Variants in ESRRG observed in about 807,000 individuals in gnomAD.
ESRRG encodes the protein estrogen-related receptor gamma.
A neutral mutation model predicts 44.0 loss-of-function variants in ESRRG; 13 were observed. The observed-to-expected ratio is 0.30, with a 90% CI of 0.19 to 0.47. ESRRG has a LOEUF of 0.47. ESRRG is among the 20% of genes least tolerant of loss of function. The pLI is 1.00. For synonymous variants in ESRRG, 215 were observed against 214.6 expected (o/e 1.00, Z -0.02); for missense variants, 395 against 580.6 (o/e 0.68, Z 3.29).
chr1:216,799,414 T>C (rs543820229), intron 2 of ESRRG, among the ~76,000 whole-genome samples: 5 of 152,098 alleles, frequency 3.3e-5, no homozygotes, highest in African/African-American at 1.2e-4. Flanking sequence ...ATTTAAATGA[T>C]GATTTTGATT....
intron 1 of ESRRG, among the ~76,000 whole-genome samples, chr1:216,986,748 C>T (rs1036192867): frequency 6.6e-6 from 1 of 151,786 alleles, no homozygotes; most frequent in African/African-American, 2.4e-5. Context: ...ATAAAATGAA[C>T]TAAAAGAAGA....
intron 1 of ESRRG, among the ~76,000 whole-genome samples, chr1:216,716,342 G>GT (rs2084874056): frequency 6.6e-6 from 1 of 151,936 alleles, no homozygotes; most frequent in Non-Finnish European, 1.5e-5. Context: ...CAAGCAAGCT[G>GT]TTTTTTCATT....
At chr1:216,680,113 G>T (rs935315892) in intron 1 of ESRRG, among the ~76,000 whole-genome samples, 1 of 152,184 alleles carries the variant, frequency 6.6e-6, no homozygotes, top group African/African-American at 2.4e-5. Flanking sequence ...TAGGTTGTAC[G>T]TGTTTTTGGC....
chr1:216,717,900 T>C (rs761510143), intron 1 of ESRRG, among the ~76,000 whole-genome samples: 3 of 151,848 alleles, frequency 2.0e-5, no homozygotes, highest in Non-Finnish European at 4.4e-5. Context: ...TCAGGCCCAA[T>C]TGTGTAAGAA....
intron 3 of ESRRG, among the ~76,000 whole-genome samples, chr1:216,629,653 C>T (rs1436350616): frequency 6.6e-6 from 1 of 152,170 alleles, no homozygotes; most frequent in Non-Finnish European, 1.5e-5. Flanking sequence ...TTGTGGGTTC[C>T]TGAAGTGTCT....
At chr1:216,974,073 T>C (rs532897246) in intron 1 of ESRRG, among the ~76,000 whole-genome samples, 66 of 152,316 alleles carry the variant, frequency 4.3e-4, no homozygotes, top group African/African-American at 1.4e-3. Flanking sequence ...TAGAAAAAGA[T>C]TATTATCATA....
At chr1:216,987,744 C>T (rs1338079875) in intron 1 of ESRRG, among the ~76,000 whole-genome samples, 1 of 152,110 alleles carries the variant, frequency 6.6e-6, no homozygotes, top group African/African-American at 2.4e-5. Context: ...GGCTTATCTG[C>T]CATCACCTAA....
chr1:216,861,911 G>C (rs1374349206), intron 2 of ESRRG, among the ~76,000 whole-genome samples: 1 of 152,106 alleles, frequency 6.6e-6, no homozygotes, highest in Non-Finnish European at 1.5e-5. Flanking sequence ...CAACAAGGAA[G>C]ATATATGAAT....
At chr1:216,998,317 CAAAT>C (rs2076617216) in intron 1 of ESRRG, among the ~76,000 whole-genome samples, 1 of 152,092 alleles carries the variant, frequency 6.6e-6, no homozygotes, top group Non-Finnish European at 1.5e-5. Context: ...AAAAATTAGA[CAAAT>C]AGACAAAAGA....
At chr1:216,632,739 A>G (rs1179268890) in intron 3 of ESRRG, among the ~76,000 whole-genome samples, 2 of 152,036 alleles carry the variant, frequency 1.3e-5, no homozygotes, top group African/African-American at 2.4e-5. Context: ...TTTTAATTCC[A>G]GAGTAAGAAA....
chr1:216,651,197 A>G (rs768745340), intron 2 of ESRRG, 108 bp from the exon 3 acceptor site: 91 of 725,138 alleles, frequency 1.3e-4, no homozygotes, highest in African/African-American at 7.5e-4. Context: ...ACCCCAAAAA[A>G]TGTCACATGA....
chr1:217,069,700 A>G (rs372523982), intron 1 of ESRRG, among the ~76,000 whole-genome samples: 35 of 152,166 alleles, frequency 2.3e-4, no homozygotes, highest in African/African-American at 8.2e-4. Flanking sequence ...AGTACCTCTC[A>G]GAAGGGAATT....
At chr1:216,698,245 C>T (rs1007196166) in intron 1 of ESRRG, among the ~76,000 whole-genome samples, 10 of 152,124 alleles carry the variant, frequency 6.6e-5, no homozygotes, top group Non-Finnish European at 1.3e-4. Flanking sequence ...TGGCGGGGCG[C>T]GGTGGCTCAC....
chr1:216,811,206 T>C (rs1263558983), intron 2 of ESRRG, among the ~76,000 whole-genome samples: 2 of 152,156 alleles, frequency 1.3e-5, no homozygotes, highest in Non-Finnish European at 2.9e-5. Context: ...TCAAATAAGA[T>C]GAGATAATAT....
intron 5 of ESRRG, among the ~76,000 whole-genome samples, chr1:216,524,305 C>CT (rs967501779): frequency 2.1e-5 from 3 of 141,222 alleles, no homozygotes; most frequent in African/African-American, 8.8e-5. Context: ...TATACACACA[C>CT]TTTTTTTTCA....
chr1:216,602,969 T>C (rs2059441742), intron 3 of ESRRG, among the ~76,000 whole-genome samples: 1 of 152,190 alleles, frequency 6.6e-6, no homozygotes, highest in Non-Finnish European at 1.5e-5. Flanking sequence ...CCCATCTATA[T>C]AGATGGAGAG....
At chr1:216,969,875 G>T (rs949078264) in intron 1 of ESRRG, among the ~76,000 whole-genome samples, 1 of 151,972 alleles carries the variant, frequency 6.6e-6, no homozygotes, top group Non-Finnish European at 1.5e-5. Context: ...CATGAGCCAC[G>T]GTGCCCAGCT....
At chr1:216,625,088 G>A (rs1450321050) in intron 3 of ESRRG, among the ~76,000 whole-genome samples, 1 of 152,076 alleles carries the variant, frequency 6.6e-6, no homozygotes, top group Non-Finnish European at 1.5e-5. Flanking sequence ...CCCTCAGACA[G>A]TGATCATCTT....
At chr1:216,869,667 C>T (rs2096231105) in intron 2 of ESRRG, among the ~76,000 whole-genome samples, 1 of 151,940 alleles carries the variant, frequency 6.6e-6, no homozygotes. Context: ...GTTGAATCTT[C>T]TGATTCATGA....
Sources: gnomAD v4.1 joint callset for allele counts (sites outside exome capture counted in the v4.1 genomes callset) on GRCh38, gnomAD v4.1.1 for gene constraint, MANE v1.5 for transcripts, NCBI Gene and HGNC (gene_info 2026-07-23, HGNC 2026-07-21) for gene names.